The following HEPACAM variants were observed in gnomAD, a reference collection of about 807,000 sequenced individuals.
HEPACAM encodes the protein hepatocyte cell adhesion molecule.
HEPACAM carries 18 observed loss-of-function variants against 38.3 expected under a neutral mutation model. That is an observed-to-expected ratio of 0.47 (90% confidence interval 0.33 to 0.70). The LOEUF (loss-of-function observed/expected upper bound fraction) is 0.70, where lower values mean the gene tolerates loss of function less well. Ranked by LOEUF, HEPACAM falls within the 30% of genes least tolerant of loss-of-function variation. The pLI is 0.03. For synonymous variants in HEPACAM, 216 were observed against 243.1 expected, an observed-to-expected ratio of 0.89 and a Z score of 1.04; for missense variants, 466 against 563.0, an observed-to-expected ratio of 0.83 and a Z score of 1.74.
intron 1 of HEPACAM, among the ~76,000 whole-genome samples, chr11:124,932,724 G>C (rs1302728882): frequency 6.6e-6 from 1 of 152,126 alleles, no homozygotes; most frequent in Non-Finnish European, 1.5e-5. Context: ...GTAGCAAAGA[G>C]AACTAGTGCA....
chr11:124,920,229 A>C lies in HEPACAM; in HGVS notation c.*909T>G. ...TTTCCTGAGGACAATGATTGTTTGA[A>C]AGGCTTGTTTTGTAAGGAAGCCAGG... On this transcript the variant is annotated 3_prime_UTR_variant, in exon 7 of 7. Transcript: ENST00000298251. 1 of 877,784 alleles carries C rather than the reference A, an allele frequency of 1.1e-6. No homozygotes were observed. The highest frequency in any genetic ancestry group is 1.7e-6 in the Non-Finnish European group (1 of 576,026). 54.4% of individuals were successfully genotyped at this position (877,784 alleles called of 1,614,324 possible). A position where few individuals can be genotyped will look rare whatever the true frequency, so the allele number is the denominator to read the frequency against.
chr11:124,927,510 G>GTTTTTTTTTTTTTTT (rs763291809), intron 1 of HEPACAM, among the ~76,000 whole-genome samples: 1,592 of 98,878 alleles, frequency 0.016, 20 homozygotes, highest in Middle Eastern at 0.027. Flanking sequence ...GCCCAGCTAG[G>GTTTTTTTTTTTTTTT]TTTTTTTTTT....
chr11:124,923,982 C>T lies in HEPACAM; in HGVS notation c.456G>A (p.Val152=), dbSNP rs773891301. Residue 152 remains valine (V), a synonymous_variant, in exon 3 of 7, where the codon GTG becomes GTA. Transcript: ENST00000298251. ...DVPISRPQVL[V]ASTTVLELSE... ...TGAGCTCCAGCACAGTGGTTGAAGC[C>T]ACCAACACCTGTGGCCTCGAAATGG... is the stretch of plus-strand genomic sequence containing the variant. 7 of 1,611,038 alleles carry T rather than the reference C, an allele frequency of 4.3e-6. No homozygotes were observed. Among genetic ancestry groups the T allele is most frequent in the Non-Finnish European group, 5.1e-6 (6 of 1,179,878 alleles).
intron 6 of HEPACAM, 122 bp downstream of exon 6, chr11:124,922,266 G>A: frequency 9.2e-7 from 1 of 1,083,346 alleles, no homozygotes; most frequent in Non-Finnish European, 1.4e-6. Flanking sequence ...ACCAGTCCCT[G>A]GTGCCAAAAC....
rs1288002696 is a variant in HEPACAM at position 124,924,199 on chromosome 11, A to C, written c.428-189T>G. Among the ~76,000 whole-genome samples the C allele has an allele frequency of 6.6e-6, 1 of 152,204 alleles. No homozygotes were observed. Among genetic ancestry groups the C allele is most frequent in the African/African-American group, 2.4e-5 (1 of 41,458 alleles). On this transcript the variant is annotated intron_variant, in intron 2 of 6. Coordinates refer to ENST00000298251, the MANE Select transcript of HEPACAM (RefSeq NM_152722.5). The surrounding 1 kb of genome is among the most constrained non-coding windows in gnomAD (Gnocchi z 4.4). ...TATTCATTCGTTTCACTGACTATTT[A>C]TGGAGCACCAATTAGGCATGGCGGG...
In HEPACAM at chr11:124,921,023, C is replaced by G; in HGVS notation, c.*115G>C. 3 of 1,402,066 alleles carry G rather than the reference C, an allele frequency of 2.1e-6. No homozygotes were observed. The highest frequency in any genetic ancestry group is 1.8e-6 in the Non-Finnish European group (2 of 1,082,520). The allele number at this position is 1,402,066 out of a possible 1,614,324, so 86.9% of individuals were successfully genotyped here. A position where few individuals can be genotyped will look rare whatever the true frequency, so the allele number is the denominator to read the frequency against. On this transcript the variant is annotated 3_prime_UTR_variant, in exon 7 of 7. Coordinates refer to ENST00000298251, the MANE Select transcript of HEPACAM (RefSeq NM_152722.5). This position sits in a 1 kb window ranked among gnomAD's most constrained non-coding sequence, Gnocchi z 4.6. ...ACGTTCACACCCGAGACACCAGCGC[C>G]CCCCCGGGACCTCCCCTCGTCCCCA...
intron 1 of HEPACAM, among the ~76,000 whole-genome samples, chr11:124,932,135 G>C (rs1174227635): frequency 6.6e-6 from 1 of 152,164 alleles, no homozygotes; most frequent in Non-Finnish European, 1.5e-5. Context: ...TTGATCTGAG[G>C]GTTGATTACA....
At chr11:124,923,148 AT>A (rs1376558330) in intron 4 of HEPACAM, among the ~76,000 whole-genome samples, 191 bp downstream of exon 4, 1 of 152,148 alleles carries the variant, frequency 6.6e-6, no homozygotes, top group Non-Finnish European at 1.5e-5. Context: ...GAAAAAACCT[AT>A]TGTTACTGGT....
intron 1 of HEPACAM, among the ~76,000 whole-genome samples, chr11:124,930,594 A>G (rs541558482): frequency 2.0e-5 from 3 of 152,332 alleles, no homozygotes; most frequent in African/African-American, 7.2e-5. Context: ...TAAGCTGTCA[A>G]TTCTCCTAAA....
intron 1 of HEPACAM, among the ~76,000 whole-genome samples, chr11:124,928,865 C>A (rs1294271721): frequency 6.6e-6 from 1 of 152,208 alleles, no homozygotes; most frequent in Non-Finnish European, 1.5e-5. Context: ...GCTCTGACCA[C>A]CTTGGGCACA....
chr11:124,926,308 C>T (rs1565339852), intron 1 of HEPACAM, among the ~76,000 whole-genome samples: 1 of 152,224 alleles, frequency 6.6e-6, no homozygotes, highest in South Asian at 2.1e-4. Flanking sequence ...AGACAGAACA[C>T]AAAATTGAGC....
Position 124,919,792 on chromosome 11 carries a change from C to T in HEPACAM, c.*1346G>A, listed in dbSNP as rs368280630. The T allele has an allele frequency of 4.0e-5, 65 of 1,613,876 alleles. No homozygotes were observed. The highest frequency in any genetic ancestry group is 5.0e-5 in the Non-Finnish European group (59 of 1,179,982). ...TTGGAATTGCTCCATGGGTTGATGG[C>T]GAATCAGAGCTGGAGTTTAGGAGAC... On this transcript the variant is annotated 3_prime_UTR_variant, in exon 7 of 7. Coordinates refer to ENST00000298251, the MANE Select transcript of HEPACAM (RefSeq NM_152722.5).
chr11:124,926,551 C>A (rs891918230), intron 1 of HEPACAM, among the ~76,000 whole-genome samples: 9 of 152,116 alleles, frequency 5.9e-5, no homozygotes, highest in Non-Finnish European at 1.3e-4. Flanking sequence ...TGTCACCTGG[C>A]CTTGTAGAGC....
rs1947131969 is a variant in HEPACAM at position 124,921,235 on chromosome 11, G to A, written c.1154C>T (p.Pro385Leu). The part of the protein sequence containing the change: ...HSSPPRAPSS[P>L]GRSRSASRTL... ...GCGCGAGGCGCTGCGCGAGCGGCCG[G>A]GCGAGCTCGGGGCCCTGGGCGGCGA... Residue 385 changes from proline to leucine, a missense_variant, in exon 7 of 7, where the codon CCC becomes CTC. Transcript: ENST00000298251. This position sits in a 1 kb window ranked among gnomAD's most constrained non-coding sequence, Gnocchi z 4.6. 2.0e-6 allele frequency: 3 copies of A among 1,467,282 alleles called. No individual in the cohort carries two copies. Among genetic ancestry groups the A allele is most frequent in the East Asian group, 5.9e-5 (2 of 33,724 alleles). The allele number at this position is 1,467,282 out of a possible 1,614,324, so 90.9% of individuals were successfully genotyped here.
At chr11:124,925,159 G>T in intron 1 of HEPACAM, 90 bp from the exon 2 acceptor site, 1 of 1,022,268 alleles carries the variant, frequency 9.8e-7, no homozygotes, top group Non-Finnish European at 1.4e-6. Context: ...ATCTCCCAAA[G>T]CTTCGCCTCT....
At chr11:124,934,666 G>A (rs1163689184) in intron 1 of HEPACAM, among the ~76,000 whole-genome samples, 1 of 151,828 alleles carries the variant, frequency 6.6e-6, no homozygotes, top group African/African-American at 2.4e-5. Flanking sequence ...TCCCACTTCT[G>A]GCTTCCACGA....
chr11:124,923,819 C>T lies in HEPACAM; in HGVS notation c.619G>A (p.Val207Met), dbSNP rs201870421. Residue 207 changes from valine to methionine, a missense_variant, in exon 3 of 7, where the codon GTG (valine) becomes ATG (methionine). By Grantham distance (21) the Val-to-Met change is conservative. Transcript: ENST00000298251. Reference sequence around the variant, plus strand: ...TACAGGTCGTCATCCTCCATGAGCACGCGGGTGATGGTGAGCACCTTTTGG... The same window carrying T: ...TACAGGTCGTCATCCTCCATGAGCATGCGGGTGATGGTGAGCACCTTTTGG... Reference protein sequence around the residue: ...PDQKVLTITRVLMEDDDLYSC... With the variant: ...PDQKVLTITRMLMEDDDLYSC... The T allele has an allele frequency of 5.1e-5, 83 of 1,614,088 alleles. No individual in the cohort carries two copies. Among genetic ancestry groups the T allele is most frequent in the Non-Finnish European group, 6.4e-5 (76 of 1,180,054 alleles).
rs531783888 is a variant in HEPACAM, at chr11:124,932,652, C to T, written c.85+3270G>A. Among the ~76,000 whole-genome samples, 3 of 152,224 alleles carry T rather than the reference C, an allele frequency of 2.0e-5. No homozygotes were observed. The South Asian group carries it at 6.2e-4, about 32-fold the overall frequency. On this transcript the variant is annotated intron_variant, in intron 1 of 6. Transcript: ENST00000298251. ...GTCCAGTCTCCCCTTGAGTGCCAATCCTAAAAACTACATTTCCCAGCCAGC... is the reference window on the plus strand; with the variant it reads ...GTCCAGTCTCCCCTTGAGTGCCAATTCTAAAAACTACATTTCCCAGCCAGC...
intron 1 of HEPACAM, among the ~76,000 whole-genome samples, chr11:124,934,468 C>G (rs897986780): frequency 9.3e-5 from 14 of 150,536 alleles, no homozygotes; most frequent in Non-Finnish European, 4.4e-5. Flanking sequence ...TAGGATGGAC[C>G]TAATCTAGTA....
Sources: allele counts gnomAD v4.1 joint callset (sites outside exome capture counted in the v4.1 genomes callset), GRCh38; gene constraint gnomAD v4.1.1; non-coding constraint Gnocchi (gnomAD v3.1); transcripts MANE v1.5; gene names NCBI Gene and HGNC (gene_info 2026-07-23, HGNC 2026-07-21).